Variants in PLCH1 observed in about 807,000 individuals in gnomAD.
PLCH1 encodes phospholipase C eta 1, also known as 1-phosphatidylinositol 4,5-bisphosphate phosphodiesterase eta-1.
Under a neutral mutation model 126.7 loss-of-function variants are expected in PLCH1, and 60 were observed. The ratio of observed to expected loss-of-function variants is 0.47; its 90% CI spans 0.38 to 0.59. PLCH1 has a LOEUF of 0.59. PLCH1 is among the 20% of genes least tolerant of loss of function. The pLI, the probability that PLCH1 is intolerant of heterozygous loss-of-function variation, is 0.00. For synonymous variants in PLCH1, 719 were observed against 734.9 expected (o/e 0.98, Z 0.35); for missense variants, 1,723 against 2,040.0 (o/e 0.84, Z 2.99).
intron 1 of PLCH1, among the ~76,000 whole-genome samples, chr3:155,732,811 G>T (rs915695497): frequency 1.4e-5 from 2 of 147,856 alleles, no homozygotes; most frequent in African/African-American, 5.0e-5. Flanking sequence ...TCAGGAGGTG[G>T]ATGTTGCAGT....
chr3:155,647,817 T>G (rs1417794053), intron 2 of PLCH1, among the ~76,000 whole-genome samples: 1 of 152,162 alleles, frequency 6.6e-6, no homozygotes, highest in Non-Finnish European at 1.5e-5. Context: ...GCTGTAAGCA[T>G]CAATAGAATA....
intron 2 of PLCH1, among the ~76,000 whole-genome samples, chr3:155,598,082 G>A (rs866791897): frequency 6.6e-6 from 1 of 152,022 alleles, no homozygotes; most frequent in African/African-American, 2.4e-5. Context: ...TATTTGGGAG[G>A]TTAAGGCAGG....
chr3:155,565,446 G>C (rs1197667989), intron 7 of PLCH1, among the ~76,000 whole-genome samples: 1 of 151,962 alleles, frequency 6.6e-6, no homozygotes, highest in Non-Finnish European at 1.5e-5. Context: ...AGATCTGTTT[G>C]TTTAAAAGTA....
At chr3:155,555,648 C>A (rs1169486780) in intron 8 of PLCH1, among the ~76,000 whole-genome samples, 1 of 152,248 alleles carries the variant, frequency 6.6e-6, no homozygotes, top group Non-Finnish European at 1.5e-5. Flanking sequence ...TACACCCAAG[C>A]TCACAGGCTT....
In PLCH1 at chr3:155,697,665, G is replaced by A. The variant is rs760989140; in HGVS notation, c.79+6481C>T. Among the ~76,000 whole-genome samples the A allele has an allele frequency of 1.4e-4, 22 of 152,128 alleles. 1 individual carries two copies. The highest frequency in any genetic ancestry group is 3.2e-3 in the Middle Eastern group (1 of 316). ...TGTAGAGCTCCACATGAAGAAATACGGAGAGAAGAGAAAGGGCAGGAGCCA... is the reference window on the plus strand; with the variant it reads ...TGTAGAGCTCCACATGAAGAAATACAGAGAGAAGAGAAAGGGCAGGAGCCA... On this transcript the variant is annotated intron_variant, in intron 2 of 22. Coordinates refer to ENST00000460012, the MANE Select transcript of PLCH1 (RefSeq NM_014996.4).
At chr3:155,661,851 G>C (rs949869549) in intron 2 of PLCH1, among the ~76,000 whole-genome samples, 5 of 152,176 alleles carry the variant, frequency 3.3e-5, no homozygotes, top group Admixed American at 6.5e-5. Flanking sequence ...CAGGTAGTTA[G>C]TTTTCTTTTC....
In PLCH1 at chr3:155,693,194, G is replaced by A. The variant is rs1383610500; in HGVS notation, c.79+10952C>T. 5.9e-4 allele frequency among the ~76,000 whole-genome samples: 19 copies of A among 32,314 alleles called. 4 individuals are homozygous for A. The highest frequency in any genetic ancestry group is 5.7e-3 in the Admixed American group (18 of 3,144). The allele number at this position is 32,314 out of a possible 152,430, so 21.2% of individuals were successfully genotyped here. ...AAGAAAGCACAGACTTGCCGGGCGC[G>A]GTGGCTCACGCCTGTAATCCCAGCA... is the stretch of plus-strand genomic sequence containing the variant. On this transcript the variant is annotated intron_variant, in intron 2 of 22. Transcript: ENST00000460012.
In PLCH1 at chr3:155,659,302, C is replaced by CTTTTTTTTTTTTTTTT. The variant is rs753258422; in HGVS notation, c.79+44828_79+44843dup. On this transcript the variant is annotated intron_variant, in intron 2 of 22. Transcript: ENST00000460012. ...CCAGGCGTGAGATGTCTATTCACTTCTTTTTTTTTTTTTTTTTTTTTTTTT... is the reference window on the plus strand; with the variant it reads ...CCAGGCGTGAGATGTCTATTCACTTCTTTTTTTTTTTTTTTTTTTTTTTTTTTTTTTTTTTTTTTTT... Among the ~76,000 whole-genome samples, 4 of 30,848 alleles carry CTTTTTTTTTTTTTTTT rather than the reference C, an allele frequency of 1.3e-4. 1 individual carries two copies. Among genetic ancestry groups the CTTTTTTTTTTTTTTTT allele is most frequent in the Non-Finnish European group, 2.2e-4 (3 of 13,866 alleles). The allele number at this position is 30,848 out of a possible 152,430, so 20.2% of individuals were successfully genotyped here.
At chr3:155,501,234 A>G (rs144174752) in intron 13 of PLCH1, among the ~76,000 whole-genome samples, 7 of 152,326 alleles carry the variant, frequency 4.6e-5, no homozygotes, top group Admixed American at 4.6e-4. Flanking sequence ...AAAAAAATAA[A>G]TAACTACCAT....
At chr3:155,624,349 G>T (rs1736960125) in intron 2 of PLCH1, among the ~76,000 whole-genome samples, 1 of 152,096 alleles carries the variant, frequency 6.6e-6, no homozygotes, top group African/African-American at 2.4e-5. Context: ...AAAAGACAAG[G>T]ATGCCCTCTC....
Position 155,540,144 on chromosome 3 carries a change from G to A in PLCH1, c.1362+9643C>T, listed in dbSNP as rs1724038366. On this transcript the variant is annotated intron_variant, in intron 10 of 22. Coordinates refer to ENST00000460012, the MANE Select transcript of PLCH1 (RefSeq NM_014996.4). ...AAACAAAAACATAAAGTGGAGAAAG[G>A]ACACCATATTCAACAAATAGTACTG... Among the ~76,000 whole-genome samples the A allele has an allele frequency of 2.0e-5, 3 of 152,196 alleles. No homozygotes were observed. In the South Asian group the frequency reaches 6.2e-4, roughly 32 times the overall value.
At chr3:155,660,181 G>A (rs966381211) in intron 2 of PLCH1, among the ~76,000 whole-genome samples, 2 of 152,180 alleles carry the variant, frequency 1.3e-5, no homozygotes, top group African/African-American at 4.8e-5. Context: ...TGCCTAACAG[G>A]CTGAACACAA....
chr3:155,724,692 T>A (rs1445327889), intron 1 of PLCH1, among the ~76,000 whole-genome samples: 1 of 152,168 alleles, frequency 6.6e-6, no homozygotes, highest in African/African-American at 2.4e-5. Context: ...ATTCTTATCA[T>A]TCTGCCATTC....
intron 10 of PLCH1, among the ~76,000 whole-genome samples, chr3:155,548,346 G>A (rs528579022): frequency 6.6e-6 from 1 of 152,178 alleles, no homozygotes; most frequent in African/African-American, 2.4e-5. Context: ...ACTAGCAAAT[G>A]GATCTCAGAT....
intron 10 of PLCH1, among the ~76,000 whole-genome samples, chr3:155,539,328 C>T (rs1322914243): frequency 6.6e-6 from 1 of 152,062 alleles, no homozygotes; most frequent in African/African-American, 2.4e-5. Flanking sequence ...GAAAGCATTC[C>T]CCCTGAGAAC....
At chr3:155,646,253 C>G (rs981213826) in intron 2 of PLCH1, among the ~76,000 whole-genome samples, 3 of 152,220 alleles carry the variant, frequency 2.0e-5, no homozygotes, top group Non-Finnish European at 4.4e-5. Context: ...ATGAAACCCT[C>G]TTGGCTTCAG....
At chr3:155,527,482 T>G (rs1348953083) in intron 10 of PLCH1, among the ~76,000 whole-genome samples, 1 of 152,216 alleles carries the variant, frequency 6.6e-6, no homozygotes, top group East Asian at 1.9e-4. Context: ...CTCTTGACCT[T>G]GAGTCCTTAT....
At chr3:155,653,514 G>A (rs1180517854) in intron 2 of PLCH1, among the ~76,000 whole-genome samples, 2 of 152,120 alleles carry the variant, frequency 1.3e-5, no homozygotes, top group East Asian at 1.9e-4. Context: ...CCTTACCCAT[G>A]TTAGTTCCTA....
chr3:155,540,941 A>G (rs1724147074), intron 10 of PLCH1, among the ~76,000 whole-genome samples: 1 of 152,178 alleles, frequency 6.6e-6, no homozygotes. Context: ...TTGTACACAT[A>G]TTTTTAGCAG....
Sources: gnomAD v4.1 joint callset for allele counts (sites outside exome capture counted in the v4.1 genomes callset) on GRCh38, gnomAD v4.1.1 for gene constraint, MANE v1.5 for transcripts, NCBI Gene and HGNC (gene_info 2026-07-23, HGNC 2026-07-21) for gene names.